Variants in CASZ1 observed in about 807,000 individuals in gnomAD.
The protein encoded by CASZ1 is zinc finger protein castor homolog 1.
Under a neutral mutation model 135.2 loss-of-function variants are expected in CASZ1, and 28 were observed. The observed-to-expected ratio is 0.21, with a 90% confidence interval of 0.15 to 0.28. CASZ1 has a LOEUF of 0.28. Ranked by LOEUF, CASZ1 falls within the 10% of genes least tolerant of loss-of-function variation. CASZ1 has a pLI of 1.00. For missense variants in CASZ1, 2,161 were observed against 2,453.3 expected (o/e 0.88, Z 2.52); for synonymous variants, 1,068 against 1,073.4 (o/e 0.99, Z 0.10).
rs1348248908 is a variant in CASZ1, at chr1:10,657,671, C to T, written c.1409+837G>A. The stretch of plus-strand genomic sequence containing the variant: ...GGGGGTGGACAGAGACAGAGCAGGA[C>T]AGGGGATCGGAGACAGAGTGGGACG... On this transcript the variant is annotated intron_variant, in intron 7 of 20. Transcript: ENST00000377022. This position sits in a 1 kb window ranked among gnomAD's most constrained non-coding sequence, Gnocchi z 5.7. Among the ~76,000 whole-genome samples the T allele has an allele frequency of 6.6e-6, 1 of 151,514 alleles. No homozygotes were observed. The highest frequency in any genetic ancestry group is 1.5e-5 in the Non-Finnish European group (1 of 67,934).
intron 4 of CASZ1, among the ~76,000 whole-genome samples, chr1:10,685,843 C>T (rs1420933374): frequency 6.6e-6 from 1 of 152,246 alleles, no homozygotes; most frequent in Non-Finnish European, 1.5e-5. Context: ...CCAGGAAGCT[C>T]CTGGGAAGGA....
chr1:10,780,352 C>T (rs1280195033), intron 1 of CASZ1, among the ~76,000 whole-genome samples: 1 of 152,178 alleles, frequency 6.6e-6, no homozygotes, highest in African/African-American at 2.4e-5. Flanking sequence ...ACTGGGGTCT[C>T]GCCTGCCTCT....
Position 10,757,015 on chromosome 1 carries a change from AGG to A in CASZ1, c.-77+3684_-77+3685del, listed in dbSNP as rs1640272060. ...ACAAAGCTGGCTTCAGTGCAGAGCC[AGG>A]GCTGAAAGGATAGTGTGTGTCCTGG... On this transcript the variant is annotated intron_variant, in intron 2 of 20. Transcript: ENST00000377022. This position sits in a 1 kb window ranked among gnomAD's most constrained non-coding sequence, Gnocchi z 4.6. 6.6e-6 allele frequency among the ~76,000 whole-genome samples: 1 copy of A among 152,206 alleles called. No homozygotes were observed. The highest frequency in any genetic ancestry group is 1.5e-5 in the Non-Finnish European group (1 of 68,036).
At chr1:10,795,175 A>G (rs1641041262) in intron 1 of CASZ1, among the ~76,000 whole-genome samples, 1 of 148,786 alleles carries the variant, frequency 6.7e-6, no homozygotes, top group Non-Finnish European at 1.5e-5. Flanking sequence ...GCCCCGGGAG[A>G]TCCCTGACTC....
Position 10,639,199 on chromosome 1 carries a change from G to A in CASZ1, c.5023C>T (p.Gln1675Ter). The change falls in exon 21 of 21, where the codon CAG (glutamine) becomes TAG (stop). Residue 1675 changes from glutamine (Q) to a stop codon, truncating the protein, a stop_gained. Coordinates refer to ENST00000377022, the MANE Select transcript of CASZ1 (RefSeq NM_001079843.3). LOFTEE classifies it high-confidence loss of function. The surrounding 1 kb of genome is among the most constrained non-coding windows in gnomAD (Gnocchi z 4.0). ...AAAAAAGESS[Q>*]EDEEEELELP... is the part of the protein sequence containing the mutation. ...TCCAGCTCCTCCTCCTCGTCCTCCT[G>A]CGAGGACTCCCCAGCTGCGGCGGCG... The A allele has an allele frequency of 1.0e-6, 1 of 953,576 alleles. No individual in the cohort carries two copies. Among genetic ancestry groups the A allele is most frequent in the Non-Finnish European group, 1.3e-6 (1 of 788,114 alleles). The allele number at this position is 953,576 out of a possible 1,614,324, so 59.1% of individuals were successfully genotyped here. A position where few individuals can be genotyped will look rare whatever the true frequency, so the allele number is the denominator to read the frequency against.
intron 1 of CASZ1, among the ~76,000 whole-genome samples, chr1:10,779,175 C>T (rs1039210908): frequency 1.3e-5 from 2 of 152,162 alleles, no homozygotes; most frequent in East Asian, 1.9e-4. Flanking sequence ...CTGTCTCCCC[C>T]CCAGCCCCAC....
intron 4 of CASZ1, among the ~76,000 whole-genome samples, chr1:10,680,298 G>T (rs539928063): frequency 4.0e-4 from 60 of 151,566 alleles, no homozygotes; most frequent in Middle Eastern, 6.9e-3. Context: ...TGGAGGGGAG[G>T]GGGGTGCGAG....
In CASZ1 at chr1:10,709,467, C is replaced by T. The variant is rs1570508976; in HGVS notation, c.-76-3923G>A. ...AGAAATATTCTGTTTGGCCTCCTTCCTGTATTGAGGAGCTGTCAGGAGCCC... is the reference window on the plus strand; with the variant it reads ...AGAAATATTCTGTTTGGCCTCCTTCTTGTATTGAGGAGCTGTCAGGAGCCC... On this transcript the variant is annotated intron_variant, in intron 2 of 20. Transcript: ENST00000377022. This position sits in a 1 kb window ranked among gnomAD's most constrained non-coding sequence, Gnocchi z 5.1. 3.3e-5 allele frequency among the ~76,000 whole-genome samples: 5 copies of T among 152,210 alleles called. No homozygotes were observed. The South Asian group carries it at 1.0e-3, about 31-fold the overall frequency.
chr1:10,641,150 C>T (rs567267952), intron 20 of CASZ1, among the ~76,000 whole-genome samples: 2 of 152,234 alleles, frequency 1.3e-5, no homozygotes, highest in African/African-American at 2.4e-5. Flanking sequence ...ATAGGCCACC[C>T]GGAGTGGACA....
Position 10,647,526 on chromosome 1 carries a change from C to A in CASZ1, c.3497+275G>T. 5.2e-6 allele frequency: 7 copies of A among 1,352,004 alleles called. No individual in the cohort carries two copies. Among genetic ancestry groups the A allele is most frequent in the Non-Finnish European group, 6.7e-6 (7 of 1,047,472 alleles). The allele number at this position is 1,352,004 out of a possible 1,614,324, so 83.8% of individuals were successfully genotyped here. A position where few individuals can be genotyped will look rare whatever the true frequency, so the allele number is the denominator to read the frequency against. Reference sequence around the variant, plus strand: ...GAGGACCACCACGCCCAGTCCACCCCACCTGGCCCTGGCAGGATCACCACA... The same window carrying A: ...GAGGACCACCACGCCCAGTCCACCCAACCTGGCCCTGGCAGGATCACCACA... On this transcript the variant is annotated intron_variant, in intron 16 of 20. Transcript: ENST00000377022. This position sits in a 1 kb window ranked among gnomAD's most constrained non-coding sequence, Gnocchi z 4.9.
At chr1:10,685,980 C>T (rs1288588992) in intron 4 of CASZ1, among the ~76,000 whole-genome samples, 1 of 152,194 alleles carries the variant, frequency 6.6e-6, no homozygotes, top group African/African-American at 2.4e-5. Context: ...CTGGCCTGTC[C>T]CCCAGCCAGC....
At position 10,777,563 on chromosome 1, in the gene CASZ1, C is replaced by T. The variant is rs1640683163; in HGVS notation, c.-233-16706G>A. ...AAGACCCCGTTAATTTTACTCTGCCCGGCTACTACAACGAGGGGGAAAGAA... is the reference window on the plus strand; with the variant it reads ...AAGACCCCGTTAATTTTACTCTGCCTGGCTACTACAACGAGGGGGAAAGAA... On this transcript the variant is annotated intron_variant, in intron 1 of 20. Transcript: ENST00000377022. The surrounding 1 kb of genome is among the most constrained non-coding windows in gnomAD (Gnocchi z 4.4). 2.0e-5 allele frequency among the ~76,000 whole-genome samples: 3 copies of T among 152,224 alleles called. No individual in the cohort carries two copies. The South Asian group carries it at 6.2e-4, about 32-fold the overall frequency.
At position 10,639,790 on chromosome 1, in the gene CASZ1, C is replaced by T. The variant is rs1189522568; in HGVS notation, c.4432G>A (p.Ala1478Thr). 6.2e-7 allele frequency: 1 copy of T among 1,605,512 alleles called. No homozygotes were observed. Among genetic ancestry groups the T allele is most frequent in the Non-Finnish European group, 8.5e-7 (1 of 1,176,542 alleles). The part of the protein sequence containing the change: ...FCGRTHMYKH[A>T]QHHDRVDNLV... ...TTGTCCACGCGGTCGTGGTGCTGCGCGTGCTTGTACATGTGCGTGCGCCCG... is the reference window on the plus strand; with the variant it reads ...TTGTCCACGCGGTCGTGGTGCTGCGTGTGCTTGTACATGTGCGTGCGCCCG... Residue 1478 changes from alanine (A) to threonine (T), a missense_variant, in exon 21 of 21, where the codon GCG (alanine) becomes ACG (threonine). Ala to Thr is a moderately conservative substitution (Grantham distance 58). Around this residue, in one of 7 missense-constraint regions of CASZ1, gnomAD observed 240 missense variants for 321.4 expected, o/e 0.75. Transcript: ENST00000377022. This position sits in a 1 kb window ranked among gnomAD's most constrained non-coding sequence, Gnocchi z 4.0.
At chr1:10,736,936 C>T (rs1480602964) in intron 2 of CASZ1, among the ~76,000 whole-genome samples, 1 of 152,194 alleles carries the variant, frequency 6.6e-6, no homozygotes, top group African/African-American at 2.4e-5. Flanking sequence ...GCTGAGTGCC[C>T]ACTGGAGCTG....
rs1048981562 is a variant in CASZ1 at position 10,719,038 on chromosome 1, G to A, written c.-76-13494C>T. Reference sequence around the variant, plus strand: ...AGCAATTGTTGTGCCTCAGCCTCCCGAGTAACTGGGATTACAGGCACTCGC... The same window carrying A: ...AGCAATTGTTGTGCCTCAGCCTCCCAAGTAACTGGGATTACAGGCACTCGC... On this transcript the variant is annotated intron_variant, in intron 2 of 20. Coordinates refer to ENST00000377022, the MANE Select transcript of CASZ1 (RefSeq NM_001079843.3). This position sits in a 1 kb window ranked among gnomAD's most constrained non-coding sequence, Gnocchi z 4.0. Among the ~76,000 whole-genome samples, 29 of 151,840 alleles carry A rather than the reference G, an allele frequency of 1.9e-4. No individual in the cohort carries two copies. The highest frequency in any genetic ancestry group is 1.9e-3 in the Admixed American group (29 of 15,238).
chr1:10,770,120 T>C (rs1557561998), intron 1 of CASZ1, among the ~76,000 whole-genome samples: 1 of 152,098 alleles, frequency 6.6e-6, no homozygotes, highest in African/African-American at 2.4e-5. Flanking sequence ...GGCCTGGCTC[T>C]GTCACTCAGG....
At position 10,706,902 on chromosome 1, in the gene CASZ1, G is replaced by T. The variant is rs1380053234; in HGVS notation, c.-76-1358C>A. Among the ~76,000 whole-genome samples the T allele has an allele frequency of 6.6e-6, 1 of 151,774 alleles. No individual in the cohort carries two copies. The highest frequency in any genetic ancestry group is 6.6e-5 in the Admixed American group (1 of 15,246). On this transcript the variant is annotated intron_variant, in intron 2 of 20. Coordinates refer to ENST00000377022, the MANE Select transcript of CASZ1 (RefSeq NM_001079843.3). This position sits in a 1 kb window ranked among gnomAD's most constrained non-coding sequence, Gnocchi z 4.3. ...CCCTGAGACAGGGGGCGGTAGAGAG[G>T]ATGGGGGGCTGTGTAAAGGGGGAAT...
chr1:10,761,575 C>T (rs1299588850), intron 1 of CASZ1, among the ~76,000 whole-genome samples: 2 of 152,110 alleles, frequency 1.3e-5, no homozygotes, highest in South Asian at 4.1e-4. Context: ...AAAGTTGGTG[C>T]CCTGCTACCG....
rs1639010662 is a variant in CASZ1, at chr1:10,699,300, CT to C, written c.-23-5389del. ...CCTTGTGCCCTGGGAGAGGATCACA[CT>C]TTCCCCCCATTTCCTTTTAGGGAAG... On this transcript the variant is annotated intron_variant, in intron 3 of 20. Transcript: ENST00000377022. The surrounding 1 kb of genome is among the most constrained non-coding windows in gnomAD (Gnocchi z 4.6). 6.6e-6 allele frequency among the ~76,000 whole-genome samples: 1 copy of C among 152,244 alleles called. No homozygotes were observed. The highest frequency in any genetic ancestry group is 1.5e-5 in the Non-Finnish European group (1 of 68,034).
Sources: gnomAD v4.1 joint callset for allele counts (sites outside exome capture counted in the v4.1 genomes callset) on GRCh38, gnomAD v4.1.1 for gene constraint, gnomAD v4.1.1 regional missense constraint, Gnocchi (gnomAD v3.1) non-coding constraint, MANE v1.5 for transcripts, NCBI Gene and HGNC (gene_info 2026-07-23, HGNC 2026-07-21) for gene names.